The following PCDHGA2 variants were observed in gnomAD, a reference collection of about 807,000 sequenced individuals.
PCDHGA2 encodes protocadherin gamma subfamily A, 2.
A neutral mutation model predicts 59.2 loss-of-function variants in PCDHGA2; 40 were observed. The observed-to-expected ratio is 0.68, with a 90% CI of 0.52 to 0.88. The LOEUF (loss-of-function observed/expected upper bound fraction) is 0.88. Among genes scored for constraint, PCDHGA2 ranks in the 40% least tolerant of loss-of-function variants. The pLI is 0.00. For synonymous variants in PCDHGA2, 560 were observed against 526.0 expected (o/e 1.06, Z -0.89); for missense variants, 1,226 against 1,204.0 (o/e 1.02, Z -0.27).
At chr5:141,364,714 T>C in intron 1 of PCDHGA2, 1 of 1,613,970 alleles carries the variant, frequency 6.2e-7, no homozygotes, top group South Asian at 1.1e-5. Context: ...ATATTAATGA[T>C]AACTTCCCGC....
intron 1 of PCDHGA2, chr5:141,419,835 C>T: frequency 1.2e-6 from 2 of 1,614,084 alleles, no homozygotes; most frequent in African/African-American, 1.3e-5. Flanking sequence ...GCCACTGCCA[C>T]GCTGCACCTG....
rs2099624335 is a variant in PCDHGA2 at position 141,486,093 on chromosome 5, C to T, written c.2425-8714C>T. On this transcript the variant is annotated intron_variant, in intron 1 of 3. Coordinates refer to ENST00000394576, the MANE Select transcript of PCDHGA2 (RefSeq NM_018915.4). This position sits in a 1 kb window ranked among gnomAD's most constrained non-coding sequence, Gnocchi z 5.0. ...ACTGGAAAGCTTACTCTTTTGGGGC[C>T]CCTAGACTTTGAGAGTGAGAATTAC... 1 of 1,614,112 alleles carries T rather than the reference C, an allele frequency of 6.2e-7. No homozygotes were observed. The highest frequency in any genetic ancestry group is 8.5e-7 in the Non-Finnish European group (1 of 1,180,008).
intron 1 of PCDHGA2, among the ~76,000 whole-genome samples, chr5:141,436,350 C>T (rs1034303123): frequency 5.9e-5 from 9 of 152,126 alleles, no homozygotes; most frequent in Non-Finnish European, 1.3e-4. Flanking sequence ...TCAGTGACTT[C>T]AATCAACTAT....
At chr5:141,464,883 T>G (rs995385615) in intron 1 of PCDHGA2, among the ~76,000 whole-genome samples, 1 of 152,086 alleles carries the variant, frequency 6.6e-6, no homozygotes, top group African/African-American at 2.4e-5. Flanking sequence ...GGACTACAGA[T>G]GGATGCCACC....
At chr5:141,366,024 C>A in intron 1 of PCDHGA2, 1 of 1,614,260 alleles carries the variant, frequency 6.2e-7, no homozygotes, top group Non-Finnish European at 8.5e-7. Context: ...ATCCTGTACC[C>A]CGCCCTCCCC....
intron 1 of PCDHGA2, chr5:141,413,440 A>G (rs4912751): frequency 0.46 from 738,760 of 1,613,878 alleles, 177,316 homozygotes; most frequent in African/African-American, 0.83. Flanking sequence ...CGGCAGCTTG[A>G]TCACCGCGGG....
At chr5:141,365,421 C>T in intron 1 of PCDHGA2, 1 of 1,614,014 alleles carries the variant, frequency 6.2e-7, no homozygotes, top group East Asian at 2.2e-5. Flanking sequence ...CTTCCCGGAA[C>T]TGTAATCGCG....
chr5:141,436,813 G>A (rs537103294), intron 1 of PCDHGA2, among the ~76,000 whole-genome samples: 91 of 152,320 alleles, frequency 6.0e-4, no homozygotes, highest in Non-Finnish European at 1.1e-3. Flanking sequence ...TGTGACAGCT[G>A]GTTTAAAAAT....
intron 2 of PCDHGA2, among the ~76,000 whole-genome samples, chr5:141,500,180 TTA>T (rs2099797073): frequency 7.1e-6 from 1 of 140,608 alleles, no homozygotes; most frequent in African/African-American, 2.8e-5. Flanking sequence ...AGCTTCATTT[TTA>T]TTTTTATTTA....
chr5:141,394,941 G>C lies in PCDHGA2; in HGVS notation c.2424+53546G>C, dbSNP rs1238884149. The C allele has an allele frequency of 3.1e-6, 5 of 1,613,748 alleles. No individual in the cohort carries two copies. The East Asian group carries it at 1.1e-4, about 36-fold the overall frequency. On this transcript the variant is annotated intron_variant, in intron 1 of 3. Coordinates refer to ENST00000394576, the MANE Select transcript of PCDHGA2 (RefSeq NM_018915.4). Reference sequence around the variant, plus strand: ...CTGTGTCTTCCTCGCCTTTGTCGCTGTGCTTCTGGGGCTCAGGCTGAGGCG... The same window carrying C: ...CTGTGTCTTCCTCGCCTTTGTCGCTCTGCTTCTGGGGCTCAGGCTGAGGCG...
intron 1 of PCDHGA2, among the ~76,000 whole-genome samples, chr5:141,468,759 G>A (rs1202810666): frequency 3.9e-5 from 6 of 151,990 alleles, no homozygotes; most frequent in Admixed American, 2.0e-4. Context: ...CCAGCTACTC[G>A]GGAGGCTGAG....
intron 1 of PCDHGA2, among the ~76,000 whole-genome samples, chr5:141,354,167 A>G (rs990067225): frequency 2.6e-5 from 4 of 152,212 alleles, no homozygotes; most frequent in Non-Finnish European, 5.9e-5. Flanking sequence ...AAAAATCACT[A>G]AACTATTATC....
At position 141,356,742 on chromosome 5, in the gene PCDHGA2, A is replaced by G. The variant is rs770003971; in HGVS notation, c.2424+15347A>G. 4.3e-6 allele frequency: 7 copies of G among 1,613,844 alleles called. No homozygotes were observed. The African/African-American group carries it at 8.0e-5, about 18-fold the overall frequency. On this transcript the variant is annotated intron_variant, in intron 1 of 3. Transcript: ENST00000394576. ...CCATCAACTCCAATACAGGGATCCTATATGCTCTTTGCTCCTTCGACTATG... is the reference window on the plus strand; with the variant it reads ...CCATCAACTCCAATACAGGGATCCTGTATGCTCTTTGCTCCTTCGACTATG...
Position 141,477,393 on chromosome 5 carries a change from G to A in PCDHGA2, c.2425-17414G>A, listed in dbSNP as rs1397453429. On this transcript the variant is annotated intron_variant, in intron 1 of 3. Transcript: ENST00000394576. This position sits in a 1 kb window ranked among gnomAD's most constrained non-coding sequence, Gnocchi z 4.9. The stretch of plus-strand genomic sequence containing the variant: ...GAGACTGTGCCAGAATACAACCTCA[G>A]CATCACCGCCCGAGACGCCGGAACC... The A allele has an allele frequency of 5.6e-6, 9 of 1,614,098 alleles. No individual in the cohort carries two copies. Among genetic ancestry groups the A allele is most frequent in the Non-Finnish European group, 7.6e-6 (9 of 1,180,028 alleles).
chr5:141,500,051 C>A (rs991931153), intron 2 of PCDHGA2, among the ~76,000 whole-genome samples: 1 of 151,988 alleles, frequency 6.6e-6, no homozygotes, highest in Non-Finnish European at 1.5e-5. Context: ...TATCTTAATG[C>A]TCTTTTAATG....
At chr5:141,372,431 C>G in intron 1 of PCDHGA2, 3 of 1,614,052 alleles carry the variant, frequency 1.9e-6, no homozygotes, top group Non-Finnish European at 2.5e-6. Context: ...GCGACCGCCC[C>G]ACTCCCTCTG....
chr5:141,465,532 C>T (rs1175698109), intron 1 of PCDHGA2, among the ~76,000 whole-genome samples: 1 of 152,138 alleles, frequency 6.6e-6, no homozygotes, highest in Non-Finnish European at 1.5e-5. Flanking sequence ...GGAAGTTTTC[C>T]CAGGCATTTT....
At chr5:141,355,857 C>A in intron 1 of PCDHGA2, 4 of 1,612,456 alleles carry the variant, frequency 2.5e-6, no homozygotes, top group Non-Finnish European at 3.4e-6. Context: ...ATGGAGGTGA[C>A]CCGGTTCGCT....
At chr5:141,365,003 A>C (rs1292135798) in intron 1 of PCDHGA2, 1 of 1,613,774 alleles carries the variant, frequency 6.2e-7, no homozygotes, top group Non-Finnish European at 8.5e-7. Context: ...ACTCTCCGGC[A>C]CCACGCACAT....
Sources: allele counts gnomAD v4.1 joint callset (sites outside exome capture counted in the v4.1 genomes callset), GRCh38; gene constraint gnomAD v4.1.1; non-coding constraint Gnocchi (gnomAD v3.1); transcripts MANE v1.5; gene names NCBI Gene and HGNC (gene_info 2026-07-23, HGNC 2026-07-21).